The following SNX27 variants were observed in gnomAD, a reference collection of about 807,000 sequenced individuals.
SNX27 encodes the protein sorting nexin-27.
In SNX27, 22 loss-of-function variants were observed where a neutral mutation model predicts 71.6. The observed-to-expected ratio is 0.31, with a 90% CI of 0.22 to 0.44. SNX27 has a LOEUF of 0.44. Ranked by LOEUF, SNX27 falls within the 20% of genes least tolerant of loss-of-function variation. The probability of loss-of-function intolerance (pLI) is 1.00; values close to 1 mark genes in which losing one functional copy is unlikely to be tolerated. For missense variants in SNX27, 531 were observed against 698.6 expected, an observed-to-expected ratio of 0.76 and a Z score of 2.70; for synonymous variants, 269 against 277.2, an observed-to-expected ratio of 0.97 and a Z score of 0.29.
chr1:151,661,160 T>G, intron 4 of SNX27: 1 of 285,674 alleles, frequency 3.5e-6, no homozygotes, highest in Non-Finnish European at 6.7e-6. Context: ...TGCTATCTCA[T>G]TCTCTAATTT....
At chr1:151,651,731 CAGA>C (rs1282004125) in intron 2 of SNX27, among the ~76,000 whole-genome samples, 3 of 150,880 alleles carry the variant, frequency 2.0e-5, no homozygotes, top group African/African-American at 7.3e-5. Flanking sequence ...GGCAGCCAGG[CAGA>C]GGGGCTCCTC....
At chr1:151,686,988 G>A (rs936750258) in intron 8 of SNX27, among the ~76,000 whole-genome samples, 5 of 152,186 alleles carry the variant, frequency 3.3e-5, no homozygotes, top group African/African-American at 1.2e-4. Flanking sequence ...GAGAGCTCAC[G>A]TCTGTGCATA....
At chr1:151,691,857 G>A (rs918979633) in intron 8 of SNX27, among the ~76,000 whole-genome samples, 5 of 151,946 alleles carry the variant, frequency 3.3e-5, no homozygotes, top group Non-Finnish European at 5.9e-5. Flanking sequence ...AAGTATGAAG[G>A]TGTTGTTTCC....
chr1:151,622,100 T>G (rs181319366), intron 1 of SNX27, among the ~76,000 whole-genome samples: 9 of 152,360 alleles, frequency 5.9e-5, no homozygotes, highest in African/African-American at 1.9e-4. Context: ...ACTACAGACT[T>G]ACAGAAATTG....
chr1:151,630,221 C>CAAAAAA lies in SNX27; in HGVS notation c.312-8666_312-8665insAAAAAA, dbSNP rs1668160404. Among the ~76,000 whole-genome samples, 5 of 151,956 alleles carry CAAAAAA rather than the reference C, an allele frequency of 3.3e-5. No homozygotes were observed. In the South Asian group the frequency reaches 1.0e-3, roughly 32 times the overall value. ...GTAAAATTTTTGCCCTTACGAAGCT[C>CAAAAAA]ATATTTTGGTCATTGCCTTAGGATA... On this transcript the variant is annotated intron_variant, in intron 1 of 11. Coordinates refer to ENST00000458013, the MANE Select transcript of SNX27 (RefSeq NM_001330723.2).
chr1:151,639,034 CATTTT>C lies in SNX27; in HGVS notation c.461_465del (p.Phe154Ter). 6.2e-7 allele frequency: 1 copy of C among 1,614,154 alleles called. No homozygotes were observed. The highest frequency in any genetic ancestry group is 8.5e-7 in the Non-Finnish European group (1 of 1,180,038). ...CCCAGTGACGACTCGTTGGGACAAT[CATTTT>C]ATGATTACACAGAAAAGCAAGCAGT... On this transcript the variant is annotated frameshift_variant, in exon 2 of 12. Coordinates refer to ENST00000458013, the MANE Select transcript of SNX27 (RefSeq NM_001330723.2). LOFTEE classifies it high-confidence loss of function.
At chr1:151,636,990 C>T (rs1235437230) in intron 1 of SNX27, among the ~76,000 whole-genome samples, 1 of 152,012 alleles carries the variant, frequency 6.6e-6, no homozygotes, top group Non-Finnish European at 1.5e-5. Context: ...AACTTATTGT[C>T]TCCATTTACA....
At chr1:151,684,961 A>G (rs904996387) in intron 8 of SNX27, among the ~76,000 whole-genome samples, 2 of 151,942 alleles carry the variant, frequency 1.3e-5, no homozygotes, top group African/African-American at 2.4e-5. Context: ...GGCACCCAAC[A>G]CCACGCTTGG....
chr1:151,639,002 C>A lies in SNX27; in HGVS notation c.426C>A (p.Asn142Lys). 1 of 1,614,074 alleles carries A rather than the reference C, an allele frequency of 6.2e-7. No individual in the cohort carries two copies. Among genetic ancestry groups the A allele is most frequent in the Non-Finnish European group, 8.5e-7 (1 of 1,180,040 alleles). Residue 142 changes from asparagine to lysine, a missense_variant, in exon 2 of 12, where the codon AAC becomes AAA. By Grantham distance (94) the Asn-to-Lys change is moderately conservative. Transcript: ENST00000458013. ...CTGTACCTCCTCATGAGGCAGATAACCTAGATCCCAGTGACGACTCGTTGG... is the reference window on the plus strand; with the variant it reads ...CTGTACCTCCTCATGAGGCAGATAAACTAGATCCCAGTGACGACTCGTTGG... ...VLSVPPHEADNLDPSDDSLGQ... is the reference protein window; with the variant it reads ...VLSVPPHEADKLDPSDDSLGQ...
intron 11 of SNX27, 163 bp from the exon 12 acceptor site, chr1:151,694,207 C>T (rs143217216): frequency 1.7e-5 from 24 of 1,378,266 alleles, no homozygotes; most frequent in African/African-American, 1.3e-4. Context: ...AGGTCCCTTC[C>T]GGCTCTAAAA....
chr1:151,694,097 CT>C (rs1401350123), intron 11 of SNX27: 26 of 1,245,282 alleles, frequency 2.1e-5, no homozygotes, highest in South Asian at 1.1e-4. Context: ...TTTCTCCTGG[CT>C]TTTTTTTCCC....
chr1:151,653,319 G>C (rs1669505610), intron 2 of SNX27, among the ~76,000 whole-genome samples: 1 of 152,118 alleles, frequency 6.6e-6, no homozygotes, highest in Non-Finnish European at 1.5e-5. Flanking sequence ...TAATAGTAGA[G>C]ATGACTGAAG....
chr1:151,619,395 G>A (rs928940175), intron 1 of SNX27, among the ~76,000 whole-genome samples: 1 of 152,080 alleles, frequency 6.6e-6, no homozygotes, highest in African/African-American at 2.4e-5. Context: ...AGTTTTTTTG[G>A]TTTCTTTTTT....
chr1:151,631,681 A>G (rs765005179), intron 1 of SNX27, among the ~76,000 whole-genome samples: 16 of 152,146 alleles, frequency 1.1e-4, no homozygotes, highest in Non-Finnish European at 1.6e-4. Context: ...TACAATCTTA[A>G]ATGCTTAAAT....
chr1:151,690,129 AT>A (rs1347450879), intron 8 of SNX27, among the ~76,000 whole-genome samples: 1 of 152,176 alleles, frequency 6.6e-6, no homozygotes, highest in African/African-American at 2.4e-5. Context: ...GATTACAGGC[AT>A]GAGCCACCAC....
At chr1:151,645,234 A>G (rs938423180) in intron 2 of SNX27, among the ~76,000 whole-genome samples, 1 of 152,066 alleles carries the variant, frequency 6.6e-6, no homozygotes, top group African/African-American at 2.4e-5. Flanking sequence ...GTGTGGTTCT[A>G]TTTCTGAACT....
rs1014447125 is a variant in SNX27, at chr1:151,695,151, G to C, written c.*734G>C. On this transcript the variant is annotated 3_prime_UTR_variant, in exon 12 of 12. Coordinates refer to ENST00000458013, the MANE Select transcript of SNX27 (RefSeq NM_001330723.2). ...CCAAGAGGGTGCTGGGGAGGAGAAA[G>C]AGGTGTGTTTCTCAAGGTTAACAGG... 6.6e-6 allele frequency: 1 copy of C among 152,562 alleles called. No homozygotes were observed. Among genetic ancestry groups the C allele is most frequent in the African/African-American group, 2.4e-5 (1 of 41,424 alleles). The allele number at this position is 152,562 out of a possible 1,614,324, so 9.5% of individuals were successfully genotyped here. A position where few individuals can be genotyped will look rare whatever the true frequency, so the allele number is the denominator to read the frequency against.
In SNX27 at chr1:151,696,498, T is replaced by TTTCGTTCTTTCGTTCTTTCGTTCTTTCG. The variant is rs56343549; in HGVS notation, c.*2084_*2085insGTTCTTTCGTTCTTTCGTTCTTTCGTTC. Reference sequence around the variant, plus strand: ...CTTTCTTTCTTTCTTTCTTTCTTTCTTTCTTTCGTTCTTTCGTTCTTTCGT... The same window carrying TTTCGTTCTTTCGTTCTTTCGTTCTTTCG: ...CTTTCTTTCTTTCTTTCTTTCTTTCTTTCGTTCTTTCGTTCTTTCGTTCTTTCGTTCTTTCGTTCTTTCGTTCTTTCGT... On this transcript the variant is annotated 3_prime_UTR_variant, in exon 12 of 12. Transcript: ENST00000458013. 543 of 106,516 alleles carry TTTCGTTCTTTCGTTCTTTCGTTCTTTCG rather than the reference T, an allele frequency of 5.1e-3. 2 individuals carry two copies. The highest frequency in any genetic ancestry group is 8.3e-3 in the Admixed American group (91 of 10,908). 6.6% of individuals were successfully genotyped at this position (106,516 alleles called of 1,614,324 possible). A position where few individuals can be genotyped will look rare whatever the true frequency, so the allele number is the denominator to read the frequency against.
chr1:151,693,601 G>A lies in SNX27; in HGVS notation c.1578+118G>A, dbSNP rs143574605. 66 of 1,614,018 alleles carry A rather than the reference G, an allele frequency of 4.1e-5. 1 individual carries two copies. In the Admixed American group the frequency reaches 6.0e-4, roughly 15 times the overall value. The stretch of plus-strand genomic sequence containing the variant: ...CATCTCTGTCTTTCTAGGAATATTA[G>A]TTAGAGACTGATTATCTCATGTGAG... On this transcript the variant is annotated intron_variant, in intron 11 of 11. Transcript: ENST00000458013.
Sources: allele counts gnomAD v4.1 joint callset (sites outside exome capture counted in the v4.1 genomes callset), GRCh38; gene constraint gnomAD v4.1.1; transcripts MANE v1.5; gene names NCBI Gene and HGNC (gene_info 2026-07-23, HGNC 2026-07-21).